The following ASGR2 variants were observed in gnomAD, a reference collection of about 807,000 sequenced individuals.
ASGR2 encodes the protein C-type lectin domain family 4 member H2.
ASGR2 carries 34 observed loss-of-function variants against 32.3 expected under a neutral mutation model. That is an observed-to-expected ratio of 1.05 (90% confidence interval 0.80 to 1.40). The LOEUF is 1.40. Ranked by LOEUF, ASGR2 falls within the 40% of genes most tolerant of loss-of-function variation. The probability of loss-of-function intolerance (pLI) is 0.00; values close to 1 mark genes in which losing one functional copy is unlikely to be tolerated. For missense variants in ASGR2, 385 were observed against 386.4 expected, an observed-to-expected ratio of 1.00 and a Z score of 0.03; for synonymous variants, 143 against 150.0, an observed-to-expected ratio of 0.95 and a Z score of 0.34.
chr17:7,104,747 C>T (rs956552843), intron 7 of ASGR2, among the ~76,000 whole-genome samples: 2 of 151,478 alleles, frequency 1.3e-5, no homozygotes, highest in African/African-American at 2.4e-5. Context: ...GAGGCCAAGG[C>T]GGGCGGATCA....
intron 7 of ASGR2, 64 bp from the exon 8 acceptor site, chr17:7,102,260 C>T (rs1401915616): frequency 3.6e-6 from 5 of 1,401,848 alleles, no homozygotes; most frequent in Non-Finnish European, 5.1e-6. Flanking sequence ...TCCATGCAGG[C>T]ATGGAACTGT....
At chr17:7,112,192 C>G (rs1187084551) in intron 2 of ASGR2, among the ~76,000 whole-genome samples, 3 of 147,808 alleles carry the variant, frequency 2.0e-5, no homozygotes, top group Non-Finnish European at 4.5e-5. Context: ...AATGAGTGAG[C>G]TGTGGGACCC....
chr17:7,114,756 C>CCTGCACTG lies in ASGR2; in HGVS notation c.-220_-213dup. ...GGAGGAGGGGCTGGTCCGGGCAAGGCCTGCACTGGAGGGTCTGAGTGTCCA... is the reference window on the plus strand; with the variant it reads ...GGAGGAGGGGCTGGTCCGGGCAAGGCCTGCACTGCTGCACTGGAGGGTCTGAGTGTCCA... On this transcript the variant is annotated 5_prime_UTR_variant, in exon 1 of 9. Transcript: ENST00000691900. The surrounding 1 kb of genome is among the most constrained non-coding windows in gnomAD (Gnocchi z 4.5). The CCTGCACTG allele has an allele frequency of 1.0e-6, 1 of 1,000,160 alleles. No individual in the cohort carries two copies. Among genetic ancestry groups the CCTGCACTG allele is most frequent in the Non-Finnish European group, 1.2e-6 (1 of 838,234 alleles). The allele number at this position is 1,000,160 out of a possible 1,614,324, so 62.0% of individuals were successfully genotyped here. A position where few individuals can be genotyped will look rare whatever the true frequency, so the allele number is the denominator to read the frequency against.
At chr17:7,112,964 T>A (rs1213259944) in intron 2 of ASGR2, among the ~76,000 whole-genome samples, 1 of 152,122 alleles carries the variant, frequency 6.6e-6, no homozygotes, top group African/African-American at 2.4e-5. Context: ...CCCACCAGCC[T>A]GGGCAACATA....
intron 2 of ASGR2, among the ~76,000 whole-genome samples, chr17:7,111,889 T>C (rs961694965): frequency 6.8e-6 from 1 of 146,146 alleles, no homozygotes; most frequent in Non-Finnish European, 1.5e-5. Flanking sequence ...AAAAAAAATT[T>C]TTAATTAGCC....
intron 7 of ASGR2, among the ~76,000 whole-genome samples, chr17:7,104,455 C>G (rs1913335305): frequency 6.6e-6 from 1 of 150,774 alleles, no homozygotes. Flanking sequence ...AGTTCAAGAC[C>G]AGCCTGGCCA....
chr17:7,102,046 C>T lies in ASGR2; in HGVS notation c.755+44G>A, dbSNP rs752706620. On this transcript the variant is annotated intron_variant, in intron 8 of 8. Transcript: ENST00000691900. ...TTGGAGTGAAAGGCCAGGGGGCTGT[C>T]CCCAGAGAAATCTAACAAGGAGATG... The T allele has an allele frequency of 1.9e-6, 3 of 1,575,558 alleles. No homozygotes were observed. In the African/African-American group the frequency reaches 4.1e-5, roughly 21 times the overall value.
intron 2 of ASGR2, among the ~76,000 whole-genome samples, 181 bp from the exon 3 acceptor site, chr17:7,109,069 G>A (rs764944092): frequency 7.9e-5 from 12 of 151,646 alleles, no homozygotes; most frequent in Non-Finnish European, 1.6e-4. Context: ...TTACACACTC[G>A]CACCCATATT....
At chr17:7,106,469 G>C (rs550889131) in intron 7 of ASGR2, among the ~76,000 whole-genome samples, 1 of 152,274 alleles carries the variant, frequency 6.6e-6, no homozygotes, top group South Asian at 2.1e-4. Context: ...TGAAATGTTG[G>C]CAAGTTCAAC....
chr17:7,112,980 A>G (rs1479175342), intron 2 of ASGR2, among the ~76,000 whole-genome samples: 1 of 151,826 alleles, frequency 6.6e-6, no homozygotes, highest in East Asian at 1.9e-4. Context: ...ACATAGCAAG[A>G]CCCCATTTCT....
chr17:7,107,243 G>A lies in ASGR2; in HGVS notation c.484C>T (p.Leu162Phe). Reference protein sequence around the residue: ...LRFVACQMELLHSNGSQRTCC... With the variant: ...LRFVACQMELFHSNGSQRTCC... ...GCCCCACCCCTACCGTTGCTGTGGA[G>A]GAGCTCCATCTGGCAGGCCACGAAG... Residue 162 changes from leucine (L) to phenylalanine (F), a missense_variant, in exon 6 of 9, where the codon CTC becomes TTC. Physicochemically the swap from Leu to Phe is conservative, Grantham distance 22. Coordinates refer to ENST00000691900, the MANE Select transcript of ASGR2 (RefSeq NM_001201352.2). The surrounding 1 kb of genome is among the most constrained non-coding windows in gnomAD (Gnocchi z 5.0). 1 of 1,614,172 alleles carries A rather than the reference G, an allele frequency of 6.2e-7. No individual in the cohort carries two copies. The highest frequency in any genetic ancestry group is 8.5e-7 in the Non-Finnish European group (1 of 1,180,042).
At position 7,113,648 on chromosome 17, in the gene ASGR2, A is replaced by G. The variant is rs1354020390; in HGVS notation, c.124+469T>C. ...ACAAGATACACACACAACACACAAC[A>G]TACACTCACACACAAGATACACACA... On this transcript the variant is annotated intron_variant, in intron 2 of 8. Coordinates refer to ENST00000691900, the MANE Select transcript of ASGR2 (RefSeq NM_001201352.2). This position sits in a 1 kb window ranked among gnomAD's most constrained non-coding sequence, Gnocchi z 5.1. Among the ~76,000 whole-genome samples the G allele has an allele frequency of 1.3e-5, 2 of 151,752 alleles. No individual in the cohort carries two copies. Among genetic ancestry groups the G allele is most frequent in the African/African-American group, 4.8e-5 (2 of 41,276 alleles).
rs1454538327 is a variant in ASGR2 at position 7,113,168 on chromosome 17, C to T, written c.124+949G>A. Among the ~76,000 whole-genome samples, 2 of 151,894 alleles carry T rather than the reference C, an allele frequency of 1.3e-5. No individual in the cohort carries two copies. Among genetic ancestry groups the T allele is most frequent in the African/African-American group, 4.8e-5 (2 of 41,308 alleles). Reference sequence around the variant, plus strand: ...AAATGTCCAAGATACTTAGGTCCTTCAGTCAAGATTTATTACAGAAGGATC... The same window carrying T: ...AAATGTCCAAGATACTTAGGTCCTTTAGTCAAGATTTATTACAGAAGGATC... On this transcript the variant is annotated intron_variant, in intron 2 of 8. Coordinates refer to ENST00000691900, the MANE Select transcript of ASGR2 (RefSeq NM_001201352.2). The surrounding 1 kb of genome is among the most constrained non-coding windows in gnomAD (Gnocchi z 5.1).
rs576161640 is a variant in ASGR2 at position 7,107,802 on chromosome 17, C to G, written c.409+34G>C. On this transcript the variant is annotated intron_variant, in intron 5 of 8. Coordinates refer to ENST00000691900, the MANE Select transcript of ASGR2 (RefSeq NM_001201352.2). The surrounding 1 kb of genome is among the most constrained non-coding windows in gnomAD (Gnocchi z 5.0). ...CACACACCGCACACGTACACATGCA[C>G]GCACATGCGCACACACCCCGGAGGC... is the stretch of plus-strand genomic sequence containing the variant. 1 of 1,608,742 alleles carries G rather than the reference C, an allele frequency of 6.2e-7. No individual in the cohort carries two copies.
Position 7,101,349 on chromosome 17 carries a change from C to G in ASGR2, c.*226G>C, listed in dbSNP as rs1360666621. 7.6e-6 allele frequency: 4 copies of G among 526,542 alleles called. No individual in the cohort carries two copies. Among genetic ancestry groups the G allele is most frequent in the Non-Finnish European group, 1.3e-5 (4 of 303,628 alleles). The allele number at this position is 526,542 out of a possible 1,614,324, so 32.6% of individuals were successfully genotyped here. A position where few individuals can be genotyped will look rare whatever the true frequency, so the allele number is the denominator to read the frequency against. ...GATTCAAGCATTTGTTTCTTCTTTCCTACGCCATTGAAGAGGCTGACGATT... is the reference window on the plus strand; with the variant it reads ...GATTCAAGCATTTGTTTCTTCTTTCGTACGCCATTGAAGAGGCTGACGATT... On this transcript the variant is annotated 3_prime_UTR_variant, in exon 9 of 9. Transcript: ENST00000691900.
intron 7 of ASGR2, among the ~76,000 whole-genome samples, chr17:7,106,178 A>G (rs1329668372): frequency 6.6e-6 from 1 of 152,192 alleles, no homozygotes; most frequent in East Asian, 1.9e-4. Flanking sequence ...ACTGAGAATC[A>G]TTAATTTAAA....
chr17:7,104,656 A>C (rs947391202), intron 7 of ASGR2, among the ~76,000 whole-genome samples: 1 of 151,378 alleles, frequency 6.6e-6, no homozygotes, highest in Non-Finnish European at 1.5e-5. Flanking sequence ...ATTTCAAAAA[A>C]TAAAAATAAA....
At chr17:7,103,116 G>A (rs1462909533) in intron 7 of ASGR2, among the ~76,000 whole-genome samples, 3 of 152,202 alleles carry the variant, frequency 2.0e-5, no homozygotes, top group African/African-American at 7.2e-5. Flanking sequence ...TGGATCCGTT[G>A]AGCAACGTGC....
In ASGR2 at chr17:7,101,863, C is replaced by T. The variant is rs974792902; in HGVS notation, c.756-123G>A. 3.0e-6 allele frequency: 4 copies of T among 1,350,104 alleles called. No homozygotes were observed. In the Admixed American group the frequency reaches 6.7e-5, roughly 22 times the overall value. 83.6% of individuals were successfully genotyped at this position (1,350,104 alleles called of 1,614,324 possible). ...AGTGGAGCTGGGGTGTGCCCTGCTACCCAGTCTGGGGAGAACCCAACCGCA... is the reference window on the plus strand; with the variant it reads ...AGTGGAGCTGGGGTGTGCCCTGCTATCCAGTCTGGGGAGAACCCAACCGCA... On this transcript the variant is annotated intron_variant, in intron 8 of 8. Transcript: ENST00000691900.
Sources: gnomAD v4.1 joint callset for allele counts (sites outside exome capture counted in the v4.1 genomes callset) on GRCh38, gnomAD v4.1.1 for gene constraint, Gnocchi (gnomAD v3.1) non-coding constraint, MANE v1.5 for transcripts, NCBI Gene and HGNC (gene_info 2026-07-23, HGNC 2026-07-21) for gene names.